DLG2: variants seen among roughly 807,000 people sequenced by gnomAD.
DLG2 encodes disks large homolog 2.
A neutral mutation model predicts 132.5 loss-of-function variants in DLG2; 45 were observed. That is an observed-to-expected ratio of 0.34 (90% CI 0.27 to 0.44). DLG2 has a LOEUF of 0.44. Among genes scored for constraint, DLG2 ranks in the 20% least tolerant of loss-of-function variants. The pLI is 1.00. For missense variants in DLG2, 1,045 were observed against 1,196.9 expected (o/e 0.87, Z 1.87); for synonymous variants, 424 against 419.6 (o/e 1.01, Z -0.13).
intron 6 of DLG2, among the ~76,000 whole-genome samples, chr11:84,609,937 G>A (rs2099592477): frequency 2.0e-5 from 3 of 152,046 alleles, no homozygotes; most frequent in Admixed American, 2.0e-4. Flanking sequence ...ATATGTTGGG[G>A]AATAGGTTAT....
At position 85,295,691 on chromosome 11, in the gene DLG2, G is replaced by T. The variant is rs77690986; in HGVS notation, c.41-10326C>A. 3.5e-3 allele frequency among the ~76,000 whole-genome samples: 530 copies of T among 152,164 alleles called. 1 individual carries two copies. The highest frequency in any genetic ancestry group is 0.012 in the African/African-American group (516 of 41,532). Reference sequence around the variant, plus strand: ...AAACAAGTATATTTTATTGTCAAACGCATGACTAGAATATCATTTAGAAAA... The same window carrying T: ...AAACAAGTATATTTTATTGTCAAACTCATGACTAGAATATCATTTAGAAAA... On this transcript the variant is annotated intron_variant, in intron 3 of 27. Coordinates refer to ENST00000376104, the MANE Select transcript of DLG2 (RefSeq NM_001142699.3).
intron 6 of DLG2, among the ~76,000 whole-genome samples, chr11:84,870,144 C>G (rs2085247950): frequency 6.6e-6 from 1 of 152,062 alleles, no homozygotes; most frequent in African/African-American, 2.4e-5. Context: ...TACATATATG[C>G]CATCAAGGTG....
rs947267759 is a variant in DLG2, at chr11:84,324,980, ACTT to A, written c.520-73692_520-73690del. 1.2e-4 allele frequency among the ~76,000 whole-genome samples: 19 copies of A among 152,192 alleles called. No individual in the cohort carries two copies. In the South Asian group the frequency reaches 1.7e-3, roughly 13 times the overall value. Reference sequence around the variant, plus strand: ...ATTATCTGTGAACAAATATAATTTTACTTCTTCCTTTCCAATTGAGGTTTCTTT... The same window carrying A: ...ATTATCTGTGAACAAATATAATTTTACTTCCTTTCCAATTGAGGTTTCTTT... On this transcript the variant is annotated intron_variant, in intron 7 of 27. Transcript: ENST00000376104.
chr11:84,831,547 C>T (rs190003839), intron 6 of DLG2, among the ~76,000 whole-genome samples: 92 of 151,622 alleles, frequency 6.1e-4, no homozygotes, highest in African/African-American at 2.1e-3. Context: ...GACTTCAAAA[C>T]TTATGTTCTC....
At position 85,452,494 on chromosome 11, in the gene DLG2, G is replaced by C. The variant is rs564420277; in HGVS notation, c.40+146163C>G. ...ACCATATCCTTCCTGACAGGGTGGA[G>C]TAGTGCCACCATAGCCTCCACTACT... On this transcript the variant is annotated intron_variant, in intron 3 of 27. Transcript: ENST00000376104. The C allele has an allele frequency of 3.7e-5, 7 of 187,276 alleles. No individual in the cohort carries two copies. The South Asian group carries it at 9.2e-4, about 25-fold the overall frequency. The allele number at this position is 187,276 out of a possible 1,614,324, so 11.6% of individuals were successfully genotyped here. A position where few individuals can be genotyped will look rare whatever the true frequency, so the allele number is the denominator to read the frequency against.
intron 3 of DLG2, among the ~76,000 whole-genome samples, chr11:85,585,084 T>C (rs770299432): frequency 2.0e-5 from 3 of 152,230 alleles, no homozygotes; most frequent in Non-Finnish European, 4.4e-5. Flanking sequence ...CCTAAGCCAA[T>C]GTCTAGAAGT....
intron 6 of DLG2, among the ~76,000 whole-genome samples, chr11:84,763,841 T>A (rs1345803082): frequency 6.6e-6 from 1 of 152,196 alleles, no homozygotes; most frequent in Admixed American, 6.5e-5. Context: ...TTGTGTGAGA[T>A]ATATACCTCT....
intron 3 of DLG2, among the ~76,000 whole-genome samples, chr11:85,295,098 C>T (rs1244635138): frequency 6.6e-6 from 1 of 152,066 alleles, no homozygotes; most frequent in Non-Finnish European, 1.5e-5. Context: ...TCCCAAACCA[C>T]CAGGAGGTGT....
intron 6 of DLG2, among the ~76,000 whole-genome samples, chr11:85,064,902 CT>C (rs1021942620): frequency 3.3e-5 from 5 of 151,594 alleles, no homozygotes; most frequent in African/African-American, 1.2e-4. Flanking sequence ...CTCTCTCTCT[CT>C]CTTTCTCTCC....
At chr11:84,516,596 A>C (rs1172218516) in intron 7 of DLG2, among the ~76,000 whole-genome samples, 1 of 151,546 alleles carries the variant, frequency 6.6e-6, no homozygotes, top group Middle Eastern at 3.2e-3. Flanking sequence ...AAAGCCCAGA[A>C]TCTGATGCCT....
intron 5 of DLG2, among the ~76,000 whole-genome samples, chr11:85,153,091 A>G (rs967659181): frequency 6.6e-6 from 1 of 152,086 alleles, no homozygotes; most frequent in African/African-American, 2.4e-5. Context: ...TCCTCTTTAT[A>G]TTACTATAGT....
At chr11:84,711,013 T>TATAG (rs1555178993) in intron 6 of DLG2, among the ~76,000 whole-genome samples, 6 of 85,842 alleles carry the variant, frequency 7.0e-5, no homozygotes, top group African/African-American at 2.8e-4. Flanking sequence ...TATATAGATA[T>TATAG]ATATATATAT....
intron 6 of DLG2, among the ~76,000 whole-genome samples, chr11:84,943,130 C>T (rs1446199465): frequency 1.3e-5 from 2 of 150,230 alleles, no homozygotes; most frequent in African/African-American, 2.5e-5. Flanking sequence ...AACATGTTTC[C>T]TGTAGGCCAC....
At chr11:85,154,902 C>A (rs1566944373) in intron 4 of DLG2, among the ~76,000 whole-genome samples, 1 of 152,094 alleles carries the variant, frequency 6.6e-6, no homozygotes, top group Admixed American at 6.6e-5. Context: ...GAGTGTTGAA[C>A]ATGGGCTATT....
intron 7 of DLG2, among the ~76,000 whole-genome samples, chr11:84,473,316 T>C (rs1392039284): frequency 6.6e-6 from 1 of 151,960 alleles, no homozygotes; most frequent in Non-Finnish European, 1.5e-5. Flanking sequence ...TCACACAAAT[T>C]GCCTAGGTGA....
At chr11:84,704,058 T>G (rs919653626) in intron 6 of DLG2, among the ~76,000 whole-genome samples, 1 of 151,058 alleles carries the variant, frequency 6.6e-6, no homozygotes, top group Non-Finnish European at 1.5e-5. Flanking sequence ...ATATTTAATT[T>G]ATAATCTCAT....
intron 8 of DLG2, 71 bp from the exon 9 acceptor site, chr11:84,163,582 T>C: frequency 7.8e-7 from 1 of 1,289,058 alleles, no homozygotes; most frequent in Non-Finnish European, 1.1e-6. Context: ...GCATTTTAAA[T>C]AATGCTTGGG....
intron 11 of DLG2, among the ~76,000 whole-genome samples, chr11:83,988,341 T>C (rs2154180479): frequency 6.6e-6 from 1 of 152,182 alleles, no homozygotes; most frequent in South Asian, 2.1e-4. Context: ...GCTTCAATTT[T>C]CTGCATGTGG....
At chr11:84,925,173 T>C (rs1224411966) in intron 6 of DLG2, among the ~76,000 whole-genome samples, 2 of 152,202 alleles carry the variant, frequency 1.3e-5, no homozygotes, top group Non-Finnish European at 2.9e-5. Flanking sequence ...TTATTAATAT[T>C]ATTTTAGTAG....
Sources: gnomAD v4.1 joint callset for allele counts (sites outside exome capture counted in the v4.1 genomes callset) on GRCh38, gnomAD v4.1.1 for gene constraint, MANE v1.5 for transcripts, NCBI Gene and HGNC (gene_info 2026-07-23, HGNC 2026-07-21) for gene names.